The following RNF19A variants were observed in gnomAD, a reference collection of about 807,000 sequenced individuals.
RNF19A encodes ring finger protein 19A, RBR E3 ubiquitin protein ligase, also known as E3 ubiquitin-protein ligase RNF19A.
Under a neutral mutation model 75.7 loss-of-function variants are expected in RNF19A, and 32 were observed. The ratio of observed to expected loss-of-function variants is 0.42; its 90% CI spans 0.32 to 0.57. The LOEUF is 0.57. Among genes scored for constraint, RNF19A ranks in the 20% least tolerant of loss-of-function variants. RNF19A has a pLI of 0.10. For missense variants in RNF19A, 782 were observed against 1,036.3 expected (o/e 0.75, Z 3.37); for synonymous variants, 335 against 345.2 (o/e 0.97, Z 0.33).
chr8:100,311,345 A>G (rs1464480770), upstream of RNF19A, among the ~76,000 whole-genome samples: 1 of 152,234 alleles, frequency 6.6e-6, no homozygotes, highest in Non-Finnish European at 1.5e-5. Flanking sequence ...CAGCGACTTT[A>G]CATATGGGAT....
At chr8:100,312,457 C>T (rs1822314220), upstream of RNF19A, 1 of 152,356 alleles carries the variant, frequency 6.6e-6, no homozygotes, top group Non-Finnish European at 1.5e-5. Flanking sequence ...CATGGTGGCC[C>T]ACGTCTGCAG....
intron 1 of RNF19A, among the ~76,000 whole-genome samples, chr8:100,320,637 TC>T (rs1240610849): frequency 6.6e-6 from 1 of 152,180 alleles, no homozygotes; most frequent in Non-Finnish European, 1.5e-5. Flanking sequence ...TACATCAAGG[TC>T]CTTTAGGCCT....
intron 1 of RNF19A, among the ~76,000 whole-genome samples, chr8:100,290,522 T>C (rs1160540699): frequency 6.6e-6 from 1 of 152,200 alleles, no homozygotes; most frequent in African/African-American, 2.4e-5. Context: ...TTTCCTCCTA[T>C]GGCTGACCTC....
chr8:100,276,331 C>T (rs1820510215), intron 2 of RNF19A, among the ~76,000 whole-genome samples: 1 of 152,050 alleles, frequency 6.6e-6, no homozygotes, highest in African/African-American at 2.4e-5. Context: ...AAGTCAATCT[C>T]AAAATGTTAC....
At chr8:100,296,846 T>C (rs1821587716) in intron 1 of RNF19A, among the ~76,000 whole-genome samples, 1 of 152,248 alleles carries the variant, frequency 6.6e-6, no homozygotes, top group Admixed American at 6.5e-5. Context: ...GGTGCAACTC[T>C]TTCCACAAGA....
rs113224282 is a variant in RNF19A at position 100,288,935 on chromosome 8, C to T, written c.-93-668G>A. Among the ~76,000 whole-genome samples, 456 of 152,032 alleles carry T rather than the reference C, an allele frequency of 3.0e-3. 5 individuals are homozygous for T. Among genetic ancestry groups the T allele is most frequent in the African/African-American group, 0.011 (443 of 41,442 alleles). Reference sequence around the variant, plus strand: ...ACTAGCCGGGTGTGGTGGCGGGCCCCTGTAGTCCCAGCTATTCGGGAGGCT... The same window carrying T: ...ACTAGCCGGGTGTGGTGGCGGGCCCTTGTAGTCCCAGCTATTCGGGAGGCT... On this transcript the variant is annotated intron_variant, in intron 1 of 9. Coordinates refer to ENST00000341084, the MANE Select transcript of RNF19A (RefSeq NM_183419.4).
rs968674190 is a variant in RNF19A, at chr8:100,284,322, T to C, written c.674+3179A>G. ...AAGTATACATACAAATTTTATATTATTGGGTGACATTTTCTTCAAAACACA... is the reference window on the plus strand; with the variant it reads ...AAGTATACATACAAATTTTATATTACTGGGTGACATTTTCTTCAAAACACA... On this transcript the variant is annotated intron_variant, in intron 2 of 9. Transcript: ENST00000341084. The surrounding 1 kb of genome is among the most constrained non-coding windows in gnomAD (Gnocchi z 4.3). Among the ~76,000 whole-genome samples, 1 of 152,160 alleles carries C rather than the reference T, an allele frequency of 6.6e-6. No individual in the cohort carries two copies. The highest frequency in any genetic ancestry group is 2.4e-5 in the African/African-American group (1 of 41,456).
chr8:100,311,506 C>G (rs1822291856), upstream of RNF19A, among the ~76,000 whole-genome samples: 1 of 151,954 alleles, frequency 6.6e-6, no homozygotes, highest in Non-Finnish European at 1.5e-5. Flanking sequence ...ATCACGAGGT[C>G]AGGAGATCGA....
chr8:100,274,980 T>G lies in RNF19A; in HGVS notation c.856A>C (p.Ser286Arg), dbSNP rs768400186. The change falls in exon 3 of 10, where the codon AGT becomes CGT. Residue 286 changes from serine to arginine, a missense_variant. Physicochemically the swap from Ser to Arg is moderately radical, Grantham distance 110. Coordinates refer to ENST00000341084, the MANE Select transcript of RNF19A (RefSeq NM_183419.4). ...RLRTIRSSSI[S>R]YSQESGAAAD... ...GCTGCTCCAGACTCTTGACTATAAC[T>G]AATGGATGAAGAACGTATAGTTCTC... 6.2e-7 allele frequency: 1 copy of G among 1,614,056 alleles called. No homozygotes were observed. Among genetic ancestry groups the G allele is most frequent in the Non-Finnish European group, 8.5e-7 (1 of 1,179,932 alleles).
intron 1 of RNF19A, among the ~76,000 whole-genome samples, chr8:100,288,754 A>C (rs1321145392): frequency 1.3e-5 from 2 of 152,172 alleles, no homozygotes; most frequent in Non-Finnish European, 2.9e-5. Context: ...TGGAACAAAA[A>C]GTAGTCAAGA....
upstream of RNF19A, among the ~76,000 whole-genome samples, chr8:100,311,864 T>C (rs77861393): frequency 4.2e-3 from 632 of 152,138 alleles, 5 homozygotes; most frequent in Non-Finnish European, 6.3e-3. Flanking sequence ...ACAACGGTAA[T>C]ATTTTCCAGA....
intron 7 of RNF19A, among the ~76,000 whole-genome samples, chr8:100,262,006 C>T (rs910635731): frequency 2.0e-5 from 3 of 152,028 alleles, no homozygotes; most frequent in Non-Finnish European, 2.9e-5. Context: ...TAAAAAATAT[C>T]GCTGACTTTA....
rs1362580730 is a variant in RNF19A, at chr8:100,288,191, T to A, written c.-17A>T. On this transcript the variant is annotated 5_prime_UTR_variant, in exon 2 of 10. Transcript: ENST00000341084. ...TTCTTGCATTCACATTAAGTCATGA[T>A]GTAAGAATATCCTACTTGGTTCCTT... 4 of 1,575,840 alleles carry A rather than the reference T, an allele frequency of 2.5e-6. No individual in the cohort carries two copies. The highest frequency in any genetic ancestry group is 3.4e-6 in the Non-Finnish European group (4 of 1,161,058).
chr8:100,259,709 T>C lies in RNF19A; in HGVS notation c.1826+145A>G, dbSNP rs1346125768. 2 of 688,594 alleles carry C rather than the reference T, an allele frequency of 2.9e-6. No homozygotes were observed. Among genetic ancestry groups the C allele is most frequent in the Admixed American group, 6.0e-5 (2 of 33,402 alleles). The allele number at this position is 688,594 out of a possible 1,614,324, so 42.7% of individuals were successfully genotyped here. A position where few individuals can be genotyped will look rare whatever the true frequency, so the allele number is the denominator to read the frequency against. On this transcript the variant is annotated intron_variant, in intron 9 of 9. Coordinates refer to ENST00000341084, the MANE Select transcript of RNF19A (RefSeq NM_183419.4). The surrounding 1 kb of genome is among the most constrained non-coding windows in gnomAD (Gnocchi z 4.5). ...AATCCACTTTATGATCTATACAGAT[T>C]TGCCTACTCTGGACAGCTCACTGTT...
Position 100,329,967 on chromosome 8 carries a change from G to A in RNF19A, c.-243+6141C>T, listed in dbSNP as rs1224453332. ...ACTATCTATTACTGAATATGTTCAA[G>A]TAGAGCTTAGATGGTCATGTAAGGG... On this transcript the variant is annotated intron_variant, in intron 1 of 3. Transcript: ENST00000519527. The surrounding 1 kb of genome is among the most constrained non-coding windows in gnomAD (Gnocchi z 4.3). 6.6e-6 allele frequency among the ~76,000 whole-genome samples: 1 copy of A among 152,180 alleles called. No individual in the cohort carries two copies. Among genetic ancestry groups the A allele is most frequent in the African/African-American group, 2.4e-5 (1 of 41,440 alleles).
chr8:100,295,607 T>C (rs1047690305), intron 1 of RNF19A, among the ~76,000 whole-genome samples: 1 of 152,214 alleles, frequency 6.6e-6, no homozygotes, highest in Non-Finnish European at 1.5e-5. Flanking sequence ...ATTTACTATA[T>C]GTAGTGTTGC....
chr8:100,272,874 CTT>C (rs779514346), intron 3 of RNF19A, among the ~76,000 whole-genome samples: 6 of 149,952 alleles, frequency 4.0e-5, no homozygotes, highest in Non-Finnish European at 5.9e-5. Context: ...AATTCTTCCT[CTT>C]GTTTTTGGAA....
Position 100,324,193 on chromosome 8 carries a change from A to C in RNF19A, c.-242-10821T>G, listed in dbSNP as rs960702486. 6.6e-6 allele frequency among the ~76,000 whole-genome samples: 1 copy of C among 152,242 alleles called. No homozygotes were observed. The highest frequency in any genetic ancestry group is 2.4e-5 in the African/African-American group (1 of 41,462). Reference sequence around the variant, plus strand: ...AATCTAGATTTATAAAGTTAGTTCCATAGATCACATGAGCCCTTTTAAATG... The same window carrying C: ...AATCTAGATTTATAAAGTTAGTTCCCTAGATCACATGAGCCCTTTTAAATG... On this transcript the variant is annotated intron_variant, in intron 1 of 3. Coordinates refer to the RNF19A transcript ENST00000519527. This position sits in a 1 kb window ranked among gnomAD's most constrained non-coding sequence, Gnocchi z 4.2.
chr8:100,260,032 T>C lies in RNF19A; in HGVS notation c.1683-35A>G. ...GGGTATGAAATCACCAAAATTATATTTAATATCAGCACTACTGTAATATGT... is the reference window on the plus strand; with the variant it reads ...GGGTATGAAATCACCAAAATTATATCTAATATCAGCACTACTGTAATATGT... On this transcript the variant is annotated intron_variant, in intron 8 of 9. Transcript: ENST00000341084. The surrounding 1 kb of genome is among the most constrained non-coding windows in gnomAD (Gnocchi z 4.1). 1 of 1,579,566 alleles carries C rather than the reference T, an allele frequency of 6.3e-7. No homozygotes were observed. The highest frequency in any genetic ancestry group is 8.7e-7 in the Non-Finnish European group (1 of 1,149,552).
Sources: gnomAD v4.1 joint callset for allele counts (sites outside exome capture counted in the v4.1 genomes callset) on GRCh38, gnomAD v4.1.1 for gene constraint, Gnocchi (gnomAD v3.1) non-coding constraint, MANE v1.5 for transcripts, NCBI Gene and HGNC (gene_info 2026-07-23, HGNC 2026-07-21) for gene names.